VWA3A: variants seen among roughly 807,000 people sequenced by gnomAD.
VWA3A encodes von Willebrand factor A domain-containing protein 3A.
VWA3A carries 134 observed loss-of-function variants against 160.4 expected under a neutral mutation model. That is an observed-to-expected ratio of 0.84 (90% CI 0.73 to 0.96). The LOEUF (loss-of-function observed/expected upper bound fraction) is 0.96, where lower values mean the gene tolerates loss of function less well. VWA3A is among the 40% of genes least tolerant of loss of function. The probability of loss-of-function intolerance (pLI) is 0.00; values close to 1 mark genes in which losing one functional copy is unlikely to be tolerated. For missense variants in VWA3A, 1,310 were observed against 1,447.9 expected (o/e 0.90, Z 1.55); for synonymous variants, 476 against 543.4 (o/e 0.88, Z 1.72).
At position 22,140,691 on chromosome 16, in the gene VWA3A, A is replaced by G. The variant is rs190735522; in HGVS notation, c.2383+447A>G. On this transcript the variant is annotated intron_variant, in intron 23 of 33. Transcript: ENST00000389398. The stretch of plus-strand genomic sequence containing the variant: ...AGTCGTGTCATCTCAGCTCACTGCA[A>G]CCTCCACCTCCTGGGTTCAAGCGAT... 2.2e-3 allele frequency among the ~76,000 whole-genome samples: 337 copies of G among 151,074 alleles called. 3 individuals carry two copies. The highest frequency in any genetic ancestry group is 7.1e-3 in the African/African-American group (291 of 41,078).
chr16:22,126,425 G>A (rs542900470), intron 17 of VWA3A, 128 bp downstream of exon 17: 1 of 1,319,218 alleles, frequency 7.6e-7, no homozygotes, highest in African/African-American at 1.5e-5. Flanking sequence ...TCCTAGGATA[G>A]CCATCGGTTT....
intron 10 of VWA3A, 28 bp downstream of exon 10, chr16:22,116,895 C>A: frequency 1.2e-6 from 2 of 1,601,294 alleles, no homozygotes; most frequent in Non-Finnish European, 8.5e-7. Context: ...TCTGAGGTGC[C>A]CCTTGGCTTT....
In VWA3A at chr16:22,103,729, C is replaced by T. The variant is rs1314386275; in HGVS notation, c.483+200C>T. Among the ~76,000 whole-genome samples the T allele has an allele frequency of 2.0e-5, 3 of 152,300 alleles. No individual in the cohort carries two copies. In the East Asian group the frequency reaches 5.8e-4, roughly 29 times the overall value. ...GATGTCACCTCTATGCCTGTGGGCT[C>T]TGCTTTCCTGAGTTGGTTTTATTCT... is the stretch of plus-strand genomic sequence containing the variant. On this transcript the variant is annotated intron_variant, in intron 6 of 33. Coordinates refer to ENST00000389398, the MANE Select transcript of VWA3A (RefSeq NM_173615.5).
chr16:22,154,317 CTTTTTCTTTT>C, intron 31 of VWA3A, among the ~76,000 whole-genome samples: 1 of 120,160 alleles, frequency 8.3e-6, no homozygotes, highest in African/African-American at 3.2e-5. Flanking sequence ...CCTCTTTTTT[CTTTTTCTTTT>C]TTTTTTTTTT....
rs1424555589 is a variant in VWA3A at position 22,138,379 on chromosome 16, C to G, written c.2159C>G (p.Ser720Cys). 4 of 1,599,840 alleles carry G rather than the reference C, an allele frequency of 2.5e-6. No individual in the cohort carries two copies. In the African/African-American group the frequency reaches 4.0e-5, roughly 16 times the overall value. ...CTGCAGTGTGCCTTCCTCATGGCCT[C>G]CCTGAAGAACCATTCAGGAAAAGTA... Reference protein sequence around the residue: ...YSQKCAFLMASLKNHSGKVLG... With the variant: ...YSQKCAFLMACLKNHSGKVLG... Residue 720 changes from serine (S) to cysteine (C), a missense_variant, in exon 22 of 34, where the codon TCC (serine) becomes TGC (cysteine). Physicochemically the swap from Ser to Cys is moderately radical, Grantham distance 112. Transcript: ENST00000389398.
rs984326348 is a variant in VWA3A at position 22,140,077 on chromosome 16, A to G, written c.2293-77A>G. 4.2e-6 allele frequency: 6 copies of G among 1,444,996 alleles called. No homozygotes were observed. The African/African-American group carries it at 8.4e-5, about 20-fold the overall frequency. 89.5% of individuals were successfully genotyped at this position (1,444,996 alleles called of 1,614,324 possible). ...TCCCTACAAAAGTTCCTGATTGACAAATTGAGGTCAGGGTAACTGGGATCC... is the reference window on the plus strand; with the variant it reads ...TCCCTACAAAAGTTCCTGATTGACAGATTGAGGTCAGGGTAACTGGGATCC... On this transcript the variant is annotated intron_variant, in intron 22 of 33. Coordinates refer to ENST00000389398, the MANE Select transcript of VWA3A (RefSeq NM_173615.5).
chr16:22,135,402 G>A lies in VWA3A; in HGVS notation c.2139+964G>A, dbSNP rs76475443. Among the ~76,000 whole-genome samples the A allele has an allele frequency of 7.5e-3, 1,145 of 152,128 alleles. 6 individuals are homozygous for A. Among genetic ancestry groups the A allele is most frequent in the Middle Eastern group, 0.01 (3 of 294 alleles). On this transcript the variant is annotated intron_variant, in intron 21 of 33. Coordinates refer to ENST00000389398, the MANE Select transcript of VWA3A (RefSeq NM_173615.5). Reference sequence around the variant, plus strand: ...CAATCAGATTAGATTAAGGACCTGCGCTACTCCAATATGCCTCACCGTAAT... The same window carrying A: ...CAATCAGATTAGATTAAGGACCTGCACTACTCCAATATGCCTCACCGTAAT...
At chr16:22,104,502 G>A (rs1006015085) in intron 6 of VWA3A, among the ~76,000 whole-genome samples, 5 of 151,642 alleles carry the variant, frequency 3.3e-5, no homozygotes, top group African/African-American at 4.8e-5. Context: ...ACAAACAAAC[G>A]AAAAGAAAAC....
At chr16:22,129,769 G>A (rs543392078) in intron 17 of VWA3A, among the ~76,000 whole-genome samples, 13 of 152,258 alleles carry the variant, frequency 8.5e-5, no homozygotes, top group African/African-American at 2.9e-4. Flanking sequence ...ACCAGCATTC[G>A]AAGGGTGGGC....
intron 31 of VWA3A, among the ~76,000 whole-genome samples, chr16:22,154,680 C>T (rs1369353079): frequency 2.0e-5 from 3 of 149,024 alleles, no homozygotes; most frequent in Non-Finnish European, 3.0e-5. Context: ...CTCAGCCGGG[C>T]GCGGTGGCTC....
chr16:22,138,670 A>C (rs142973764), intron 22 of VWA3A, 158 bp downstream of exon 22: 2 of 973,602 alleles, frequency 2.1e-6, no homozygotes, highest in South Asian at 1.8e-5. Flanking sequence ...TCCAGGGGGA[A>C]AATCTCCCGC....
intron 23 of VWA3A, 31 bp from the exon 24 acceptor site, chr16:22,141,551 T>C (rs1474502100): frequency 6.3e-7 from 1 of 1,579,514 alleles, no homozygotes; most frequent in Non-Finnish European, 8.6e-7. Context: ...TGCATGCAGC[T>C]GCTCCAGCCA....
intron 23 of VWA3A, 102 bp downstream of exon 23, chr16:22,140,346 G>A (rs529320916): frequency 3.3e-4 from 374 of 1,135,808 alleles, no homozygotes; most frequent in Non-Finnish European, 4.4e-4. Flanking sequence ...GGAAGCTCGT[G>A]CCTATAATCC....
At chr16:22,149,389 C>T (rs757195634) in intron 28 of VWA3A, among the ~76,000 whole-genome samples, 4 of 152,148 alleles carry the variant, frequency 2.6e-5, no homozygotes, top group Non-Finnish European at 5.9e-5. Context: ...CAGGCGCACA[C>T]CACCATGCCT....
intron 17 of VWA3A, among the ~76,000 whole-genome samples, chr16:22,128,049 G>C (rs950029366): frequency 6.6e-6 from 1 of 152,160 alleles, no homozygotes; most frequent in South Asian, 2.1e-4. Flanking sequence ...GCAACAGCAT[G>C]AGCAGAGGTG....
At chr16:22,119,534 G>T (rs1261397944) in intron 12 of VWA3A, among the ~76,000 whole-genome samples, 1 of 152,158 alleles carries the variant, frequency 6.6e-6, no homozygotes, top group African/African-American at 2.4e-5. Context: ...AGCCAGGCAC[G>T]ATGGCATGTG....
At chr16:22,128,684 G>A (rs924018784) in intron 17 of VWA3A, among the ~76,000 whole-genome samples, 2 of 152,170 alleles carry the variant, frequency 1.3e-5, no homozygotes, top group Admixed American at 1.3e-4. Context: ...CAATGTAAAT[G>A]CCCAGCAGTG....
chr16:22,116,974 T>C, intron 10 of VWA3A, 107 bp downstream of exon 10: 3 of 1,407,552 alleles, frequency 2.1e-6, no homozygotes, highest in Non-Finnish European at 2.0e-6. Flanking sequence ...TGGACCAGAA[T>C]GCACCTGTCC....
intron 17 of VWA3A, among the ~76,000 whole-genome samples, chr16:22,129,433 A>G (rs966472222): frequency 2.0e-5 from 3 of 151,486 alleles, no homozygotes; most frequent in Admixed American, 6.6e-5. Context: ...AAAGAGGTGC[A>G]TGGAAGAGAT....
Sources: allele counts gnomAD v4.1 joint callset (sites outside exome capture counted in the v4.1 genomes callset), GRCh38; gene constraint gnomAD v4.1.1; transcripts MANE v1.5; gene names NCBI Gene and HGNC (gene_info 2026-07-23, HGNC 2026-07-21).